The following CDKAL1 variants were observed in gnomAD, a reference collection of about 807,000 sequenced individuals.
The protein encoded by CDKAL1 is CDKAL1 threonylcarbamoyladenosine tRNA methylthiotransferase, also known as threonylcarbamoyladenosine tRNA methylthiotransferase.
Under a neutral mutation model 68.2 loss-of-function variants are expected in CDKAL1, and 32 were observed. The observed-to-expected ratio is 0.47, with a 90% CI of 0.35 to 0.63. The LOEUF (loss-of-function observed/expected upper bound fraction) is 0.63. Ranked by LOEUF, CDKAL1 falls within the 30% of genes least tolerant of loss-of-function variation. CDKAL1 has a pLI of 0.00. For synonymous variants in CDKAL1, 234 were observed against 244.3 expected (o/e 0.96, Z 0.39); for missense variants, 606 against 696.7 (o/e 0.87, Z 1.47).
chr6:21,134,490 T>C (rs1775481271), intron 13 of CDKAL1, among the ~76,000 whole-genome samples: 1 of 152,212 alleles, frequency 6.6e-6, no homozygotes, highest in Non-Finnish European at 1.5e-5. Context: ...TTACATCTTC[T>C]TGTATGTGCC....
At chr6:20,861,404 G>A (rs560557361) in intron 9 of CDKAL1, among the ~76,000 whole-genome samples, 2 of 152,278 alleles carry the variant, frequency 1.3e-5, no homozygotes, top group South Asian at 2.1e-4. Flanking sequence ...TGTGCCATGG[G>A]CAAAGCCCAC....
At chr6:20,722,506 G>A in intron 5 of CDKAL1, 2 of 331,192 alleles carry the variant, frequency 6.0e-6, no homozygotes, top group Non-Finnish European at 5.7e-6. Context: ...GGTTTAGTAT[G>A]CCCACCATAG....
rs184005808 is a variant in CDKAL1, at chr6:20,754,628, C to G, written c.469-3967C>G. On this transcript the variant is annotated intron_variant, in intron 6 of 15. Transcript: ENST00000274695. ...AAAAGTGTCTGTTCAGATTATTTTC[C>G]CATTTTTAATTGGGTTGTCTTTTTA... is the stretch of plus-strand genomic sequence containing the variant. Among the ~76,000 whole-genome samples, 347 of 152,168 alleles carry G rather than the reference C, an allele frequency of 2.3e-3. 2 individuals carry two copies. The highest frequency in any genetic ancestry group is 6.0e-3 in the Admixed American group (92 of 15,284).
intron 4 of CDKAL1, among the ~76,000 whole-genome samples, chr6:20,602,024 A>G (rs943077603): frequency 2.6e-5 from 4 of 152,320 alleles, no homozygotes; most frequent in Admixed American, 2.6e-4. Context: ...AATAGTAGCT[A>G]ATATAACATT....
In CDKAL1 at chr6:20,912,387, A is replaced by G. The variant is rs74682568; in HGVS notation, c.743-43032A>G. 3.0e-3 allele frequency among the ~76,000 whole-genome samples: 452 copies of G among 152,306 alleles called. 3 individuals carry two copies. Among genetic ancestry groups the G allele is most frequent in the East Asian group, 0.017 (87 of 5,162 alleles). On this transcript the variant is annotated intron_variant, in intron 9 of 15. Transcript: ENST00000274695. ...GAAATGAAGTTGGTCTCCTACTTTC[A>G]GCAGACGAGTACTTTTATGAGGGAA...
At chr6:21,221,826 A>C (rs1414067096) in intron 15 of CDKAL1, among the ~76,000 whole-genome samples, 1 of 152,242 alleles carries the variant, frequency 6.6e-6, no homozygotes. Context: ...TTCAGAGCTT[A>C]AGAGTTGCTT....
chr6:20,884,969 GA>G (rs997798053), intron 9 of CDKAL1, among the ~76,000 whole-genome samples: 66 of 138,692 alleles, frequency 4.8e-4, no homozygotes, highest in South Asian at 1.2e-3. Flanking sequence ...TCTTAAAAAA[GA>G]AAAAAAAAAG....
At chr6:20,854,642 A>G (rs781095509) in intron 9 of CDKAL1, among the ~76,000 whole-genome samples, 5 of 152,222 alleles carry the variant, frequency 3.3e-5, no homozygotes, top group Non-Finnish European at 5.9e-5. Context: ...ATTTGTTCAT[A>G]ATTCTGAGTT....
chr6:20,609,303 C>CTTCTCCTTCTCCTT (rs1561963106), intron 4 of CDKAL1, among the ~76,000 whole-genome samples: 3 of 27,824 alleles, frequency 1.1e-4, no homozygotes, highest in African/African-American at 3.1e-4. Flanking sequence ...TCCTTCTCCT[C>CTTCTCCTTCTCCTT]CTCCTCCTCC....
chr6:21,080,762 T>C (rs556338251), intron 12 of CDKAL1, among the ~76,000 whole-genome samples: 1 of 152,236 alleles, frequency 6.6e-6, no homozygotes, highest in African/African-American at 2.4e-5. Flanking sequence ...ACCAGATGTG[T>C]ACGGCACAAG....
At chr6:20,880,047 A>C (rs1231232476) in intron 9 of CDKAL1, among the ~76,000 whole-genome samples, 2 of 152,150 alleles carry the variant, frequency 1.3e-5, no homozygotes, top group African/African-American at 4.8e-5. Context: ...AAAACTTTTT[A>C]TGAACAAATT....
In CDKAL1 at chr6:20,991,629, C is replaced by T. The variant is rs141519686; in HGVS notation, c.910-8598C>T. ...GGCTGAGGCAGGAGAATTGCTTGAACCCAGGAGGCAGAGGTTGCAGCGAAC... is the reference window on the plus strand; with the variant it reads ...GGCTGAGGCAGGAGAATTGCTTGAATCCAGGAGGCAGAGGTTGCAGCGAAC... On this transcript the variant is annotated intron_variant, in intron 10 of 15. Transcript: ENST00000274695. Among the ~76,000 whole-genome samples the T allele has an allele frequency of 3.3e-3, 496 of 150,240 alleles. 3 individuals carry two copies. Among genetic ancestry groups the T allele is most frequent in the African/African-American group, 0.011 (469 of 40,784 alleles).
At chr6:21,154,238 A>G (rs1317805766) in intron 13 of CDKAL1, among the ~76,000 whole-genome samples, 1 of 152,212 alleles carries the variant, frequency 6.6e-6, no homozygotes, top group African/African-American at 2.4e-5. Context: ...CATATGATAG[A>G]AGATTTGGGT....
intron 4 of CDKAL1, among the ~76,000 whole-genome samples, chr6:20,555,568 C>T (rs1352966866): frequency 6.8e-6 from 1 of 147,172 alleles, no homozygotes; most frequent in African/African-American, 2.5e-5. Context: ...ATCTACCCAT[C>T]TTGGCCTCCC....
At chr6:20,928,636 A>G (rs138755673) in intron 9 of CDKAL1, among the ~76,000 whole-genome samples, 1,703 of 152,122 alleles carry the variant, frequency 0.011, 26 homozygotes, top group African/African-American at 0.038. Context: ...AAGAACTACA[A>G]TTAAAATCGT....
chr6:20,602,180 G>A (rs948899967), intron 4 of CDKAL1, among the ~76,000 whole-genome samples: 1 of 152,068 alleles, frequency 6.6e-6, no homozygotes, highest in Non-Finnish European at 1.5e-5. Context: ...GAAGTAATTT[G>A]CTAAAGATAC....
At chr6:20,891,280 C>G (rs1480197895) in intron 9 of CDKAL1, among the ~76,000 whole-genome samples, 1 of 152,206 alleles carries the variant, frequency 6.6e-6, no homozygotes, top group Non-Finnish European at 1.5e-5. Flanking sequence ...TCACCACTCT[C>G]TAGCACTAGT....
chr6:20,846,268 CT>C, intron 9 of CDKAL1, 90 bp downstream of exon 9: 1 of 695,478 alleles, frequency 1.4e-6, no homozygotes, highest in Non-Finnish European at 2.4e-6. Context: ...AGACCAACTT[CT>C]TTAGTTTTCT....
At chr6:20,885,264 C>T (rs1369031142) in intron 9 of CDKAL1, among the ~76,000 whole-genome samples, 2 of 152,142 alleles carry the variant, frequency 1.3e-5, no homozygotes, top group Non-Finnish European at 2.9e-5. Context: ...TCCCCAATTT[C>T]AGAACCTACT....
Sources: gnomAD v4.1 joint callset for allele counts (sites outside exome capture counted in the v4.1 genomes callset) on GRCh38, gnomAD v4.1.1 for gene constraint, MANE v1.5 for transcripts, NCBI Gene and HGNC (gene_info 2026-07-23, HGNC 2026-07-21) for gene names.